EHMT1: variants seen among roughly 807,000 people sequenced by gnomAD.
EHMT1 encodes euchromatic histone lysine methyltransferase 1.
In EHMT1, 15 loss-of-function variants were observed where a neutral mutation model predicts 147.2. The observed-to-expected ratio is 0.10, with a 90% CI of 0.07 to 0.16. The LOEUF is 0.16. Among genes scored for constraint, EHMT1 ranks in the 10% least tolerant of loss-of-function variants. The pLI is 1.00. For missense variants in EHMT1, 1,587 were observed against 1,772.4 expected, an observed-to-expected ratio of 0.90 and a Z score of 1.88; for synonymous variants, 795 against 709.6, an observed-to-expected ratio of 1.12 and a Z score of -1.91.
intron 4 of EHMT1, among the ~76,000 whole-genome samples, chr9:137,741,401 A>G (rs959210573): frequency 7.2e-5 from 11 of 152,046 alleles, no homozygotes; most frequent in Middle Eastern, 3.2e-3. Context: ...GGGGACAGGT[A>G]GCAAACGTCA....
intron 1 of EHMT1, among the ~76,000 whole-genome samples, chr9:137,630,296 T>C (rs1843545488): frequency 6.6e-6 from 1 of 152,232 alleles, no homozygotes; most frequent in South Asian, 2.1e-4. Flanking sequence ...AGAGCAAATA[T>C]TACTGAGTAG....
At chr9:137,717,385 T>C (rs989277264) in intron 3 of EHMT1, 2 of 723,302 alleles carry the variant, frequency 2.8e-6, no homozygotes, top group Non-Finnish European at 4.6e-6. Context: ...GGTGGATTGC[T>C]TGAGCCTAGG....
At chr9:137,716,531 T>TGGTGGTGTCATGGTGGGGGAGGAAGTG in intron 2 of EHMT1, 95 bp from the exon 3 acceptor site, 1 of 929,330 alleles carries the variant, frequency 1.1e-6, no homozygotes, top group Non-Finnish European at 1.5e-6. Flanking sequence ...GGGAGGAAGT[T>TGGTGGTGTCATGGTGGGGGAGGAAGTG]GTGGTGGTGT....
intron 1 of EHMT1, among the ~76,000 whole-genome samples, chr9:137,659,094 G>A (rs1325846058): frequency 6.6e-6 from 1 of 152,002 alleles, no homozygotes; most frequent in Admixed American, 6.6e-5. Flanking sequence ...TCTTACTAAT[G>A]TTGAACATCT....
At chr9:137,634,868 A>ATTTTT (rs781056803) in intron 1 of EHMT1, among the ~76,000 whole-genome samples, 80 of 92,000 alleles carry the variant, frequency 8.7e-4, no homozygotes, top group Admixed American at 2.1e-3. Flanking sequence ...TGCCCAGCTA[A>ATTTTT]TTTTTTTTTT....
chr9:137,750,400 C>T (rs2136159459), intron 6 of EHMT1, among the ~76,000 whole-genome samples: 1 of 152,240 alleles, frequency 6.6e-6, no homozygotes, highest in South Asian at 2.1e-4. Context: ...CTTTGAAAGA[C>T]AAACCACAAT....
chr9:137,662,856 C>A (rs563431792), intron 1 of EHMT1, among the ~76,000 whole-genome samples: 7 of 151,154 alleles, frequency 4.6e-5, no homozygotes, highest in Non-Finnish European at 1.0e-4. Context: ...TGCAATGGTG[C>A]GATCTCTGCT....
Position 137,787,659 on chromosome 9 carries a change from A to G in EHMT1, c.2383-3189A>G. On this transcript the variant is annotated intron_variant, in intron 15 of 26. Transcript: ENST00000460843. This position sits in a 1 kb window ranked among gnomAD's most constrained non-coding sequence, Gnocchi z 4.2. ...CGGGAGGGAGGAGGGGCCTGTCTTA[A>G]GAGCCTCACAGGCTGCACCGGGAGA... 1.6e-6 allele frequency: 1 copy of G among 615,384 alleles called. No individual in the cohort carries two copies. The highest frequency in any genetic ancestry group is 2.7e-5 in the Admixed American group (1 of 36,438). 38.1% of individuals were successfully genotyped at this position (615,384 alleles called of 1,614,324 possible).
intron 22 of EHMT1, chr9:137,815,684 G>T: frequency 2.0e-6 from 1 of 500,850 alleles, no homozygotes; most frequent in Middle Eastern, 5.6e-4. Flanking sequence ...GGAAGGCCCT[G>T]GGTGGACAGA....
chr9:137,718,134 C>T (rs557973825), intron 3 of EHMT1, among the ~76,000 whole-genome samples: 82 of 149,870 alleles, frequency 5.5e-4, no homozygotes, highest in African/African-American at 1.7e-3. Flanking sequence ...ACACACAGGG[C>T]GCGCCTGCCC....
intron 1 of EHMT1, among the ~76,000 whole-genome samples, chr9:137,688,921 A>T (rs1407945918): frequency 1.3e-5 from 2 of 152,074 alleles, no homozygotes; most frequent in African/African-American, 4.8e-5. Flanking sequence ...GCTATTGTGG[A>T]TGTCTTTGTA....
chr9:137,629,959 TA>T (rs896021169), intron 1 of EHMT1, among the ~76,000 whole-genome samples: 68 of 151,944 alleles, frequency 4.5e-4, no homozygotes, highest in African/African-American at 5.5e-4. Flanking sequence ...TTTCATGTAT[TA>T]AAAAAAAATC....
At chr9:137,711,806 G>A (rs184187330) in intron 2 of EHMT1, among the ~76,000 whole-genome samples, 7 of 152,250 alleles carry the variant, frequency 4.6e-5, no homozygotes, top group Admixed American at 3.9e-4. Context: ...GTGGTGTTCT[G>A]GCTGGACCCA....
At chr9:137,825,797 G>A (rs992870514) in intron 25 of EHMT1, among the ~76,000 whole-genome samples, 15 of 152,022 alleles carry the variant, frequency 9.9e-5, no homozygotes, top group African/African-American at 2.9e-4. Context: ...AGGCTGCCCC[G>A]GTCCCCTTGG....
chr9:137,732,052 C>G lies in EHMT1; in HGVS notation c.823+3523C>G, dbSNP rs1004980482. Reference sequence around the variant, plus strand: ...GCTATAGCTCTCTTGCTGTCACCACCCACAGTACGGGCTGGGGTGTGTTCC... The same window carrying G: ...GCTATAGCTCTCTTGCTGTCACCACGCACAGTACGGGCTGGGGTGTGTTCC... On this transcript the variant is annotated intron_variant, in intron 4 of 26. Coordinates refer to ENST00000460843, the MANE Select transcript of EHMT1 (RefSeq NM_024757.5). The surrounding 1 kb of genome is among the most constrained non-coding windows in gnomAD (Gnocchi z 4.6). Among the ~76,000 whole-genome samples the G allele has an allele frequency of 6.6e-6, 1 of 152,234 alleles. No homozygotes were observed. The highest frequency in any genetic ancestry group is 2.4e-5 in the African/African-American group (1 of 41,462).
chr9:137,816,293 G>A (rs952849621), intron 23 of EHMT1: 5 of 593,242 alleles, frequency 8.4e-6, no homozygotes, highest in Non-Finnish European at 1.5e-5. Context: ...AGAAGGAGCA[G>A]GTTGTTGGGT....
At position 137,777,977 on chromosome 9, in the gene EHMT1, G is replaced by A; in HGVS notation, c.2114G>A (p.Gly705Glu). ...GATCCAACGGGACCTGCTGGGCTTG[G>A]GAGGCCAACTCCCGGCCTTTCCCAG... ...GFDPTGPAGL[G>E]RPTPGLSQGP... Residue 705 changes from glycine (G) to glutamate (E), a missense_variant, in exon 13 of 27, where the codon GGG (glycine) becomes GAG (glutamate). Around this residue, in one of 7 missense-constraint regions of EHMT1, gnomAD observed 77 missense variants for 79.3 expected, o/e 0.97. Transcript: ENST00000460843. The A allele has an allele frequency of 6.2e-7, 1 of 1,613,814 alleles. No homozygotes were observed. The highest frequency in any genetic ancestry group is 8.5e-7 in the Non-Finnish European group (1 of 1,180,024).
intron 1 of EHMT1, among the ~76,000 whole-genome samples, chr9:137,686,859 T>C (rs1942491711): frequency 6.6e-6 from 1 of 151,410 alleles, no homozygotes; most frequent in East Asian, 1.9e-4. Flanking sequence ...GCCTCCCGAG[T>C]AGCTGGGACT....
In EHMT1 at chr9:137,640,028, G is replaced by T. The variant is rs1380503552; in HGVS notation, c.21+20979G>T. 3.9e-5 allele frequency among the ~76,000 whole-genome samples: 6 copies of T among 152,176 alleles called. No homozygotes were observed. In the East Asian group the frequency reaches 1.2e-3, roughly 29 times the overall value. On this transcript the variant is annotated intron_variant, in intron 1 of 26. Coordinates refer to ENST00000460843, the MANE Select transcript of EHMT1 (RefSeq NM_024757.5). ...TGGCTCACCGTAACCTCTGCCTCCC[G>T]GGTTCGAGTGATTGTCCTGCCTCTG...
Sources: gnomAD v4.1 joint callset for allele counts (sites outside exome capture counted in the v4.1 genomes callset) on GRCh38, gnomAD v4.1.1 for gene constraint, gnomAD v4.1.1 regional missense constraint, Gnocchi (gnomAD v3.1) non-coding constraint, MANE v1.5 for transcripts, NCBI Gene and HGNC (gene_info 2026-07-23, HGNC 2026-07-21) for gene names.